Variants in ALG14 observed in about 807,000 individuals in gnomAD.
The protein encoded by ALG14 is ALG14 UDP-N-acetylglucosaminyltransferase subunit, also known as UDP-N-acetylglucosamine transferase subunit ALG14.
Under a neutral mutation model 22.8 loss-of-function variants are expected in ALG14, and 17 were observed. That is an observed-to-expected ratio of 0.75 (90% confidence interval 0.51 to 1.12). The LOEUF is 1.12. ALG14 is among the 50% of genes most tolerant of loss of function. ALG14 has a pLI of 0.00. For synonymous variants in ALG14, 89 were observed against 103.7 expected, an observed-to-expected ratio of 0.86 and a Z score of 0.86; for missense variants, 288 against 271.8, an observed-to-expected ratio of 1.06 and a Z score of -0.42.
chr1:95,047,357 T>G (rs1674596655), intron 2 of ALG14, among the ~76,000 whole-genome samples: 1 of 152,160 alleles, frequency 6.6e-6, no homozygotes. Flanking sequence ...TATTTATTTT[T>G]TTTTAGATGG....
Position 94,989,559 on chromosome 1 carries a change from G to A in ALG14, c.421-6253C>T, listed in dbSNP as rs546110397. ...AGTGCTACAGAGGGGCAGGGCTGGA[G>A]GAGACTCTGTTCTGGTAGCAAAGGT... On this transcript the variant is annotated intron_variant, in intron 3 of 3. Coordinates refer to ENST00000370205, the MANE Select transcript of ALG14 (RefSeq NM_144988.4). Among the ~76,000 whole-genome samples, 25 of 152,316 alleles carry A rather than the reference G, an allele frequency of 1.6e-4. No individual in the cohort carries two copies. The East Asian group carries it at 1.7e-3, about 11-fold the overall frequency.
At chr1:94,993,548 G>C (rs923675760) in intron 3 of ALG14, among the ~76,000 whole-genome samples, 1 of 151,788 alleles carries the variant, frequency 6.6e-6, no homozygotes, top group Non-Finnish European at 1.5e-5. Flanking sequence ...ACCAACGGTG[G>C]ATGCCTAAAG....
intron 2 of ALG14, among the ~76,000 whole-genome samples, chr1:95,043,566 G>C (rs1674449502): frequency 6.6e-6 from 1 of 152,164 alleles, no homozygotes; most frequent in Admixed American, 6.5e-5. Flanking sequence ...AACTAGTGCA[G>C]GTCAGCGGCT....
At chr1:95,032,918 AAAG>A (rs1464060808) in intron 2 of ALG14, among the ~76,000 whole-genome samples, 1 of 152,210 alleles carries the variant, frequency 6.6e-6, no homozygotes, top group Non-Finnish European at 1.5e-5. Flanking sequence ...TCAACTATAT[AAAG>A]AAGTCAATGA....
At chr1:95,017,339 CAA>C (rs1294333474) in intron 3 of ALG14, among the ~76,000 whole-genome samples, 2 of 151,828 alleles carry the variant, frequency 1.3e-5, no homozygotes, top group Non-Finnish European at 2.9e-5. Flanking sequence ...AGCCTTAAAA[CAA>C]AGAGTCACTG....
chr1:95,057,584 A>G (rs1395457261), intron 2 of ALG14, among the ~76,000 whole-genome samples: 4 of 150,074 alleles, frequency 2.7e-5, no homozygotes, highest in Admixed American at 2.0e-4. Context: ...GCACACGCGC[A>G]CACACACACA....
At chr1:94,987,824 G>A (rs1468795807) in intron 3 of ALG14, among the ~76,000 whole-genome samples, 1 of 152,212 alleles carries the variant, frequency 6.6e-6, no homozygotes, top group Non-Finnish European at 1.5e-5. Context: ...GGAGTTGAGG[G>A]TGACCCGAGA....
intron 2 of ALG14, among the ~76,000 whole-genome samples, chr1:95,055,923 T>C (rs1443200596): frequency 7.4e-6 from 1 of 135,270 alleles, no homozygotes; most frequent in Non-Finnish European, 1.5e-5. Context: ...GGCAGGAGAA[T>C]GGCATGAACC....
At chr1:94,997,799 A>G (rs570135873) in intron 3 of ALG14, among the ~76,000 whole-genome samples, 1 of 152,350 alleles carries the variant, frequency 6.6e-6, no homozygotes, top group East Asian at 1.9e-4. Context: ...GCTGCCTCAC[A>G]ATAAATACCA....
intron 3 of ALG14, among the ~76,000 whole-genome samples, chr1:95,024,754 A>G (rs1181548370): frequency 1.3e-5 from 2 of 152,192 alleles, no homozygotes; most frequent in Admixed American, 1.3e-4. Flanking sequence ...GTCAAGTTTC[A>G]TCATGAGATT....
At chr1:94,995,754 C>T (rs1037191472) in intron 3 of ALG14, among the ~76,000 whole-genome samples, 15 of 152,170 alleles carry the variant, frequency 9.9e-5, no homozygotes, top group Admixed American at 6.5e-4. Flanking sequence ...GGATTCCACA[C>T]ATTGACTAAG....
chr1:95,041,230 T>G (rs997325692), intron 2 of ALG14, among the ~76,000 whole-genome samples: 2 of 152,082 alleles, frequency 1.3e-5, no homozygotes, highest in African/African-American at 4.8e-5. Flanking sequence ...ATTCAGTAAG[T>G]TAAGGTCCAT....
intron 3 of ALG14, among the ~76,000 whole-genome samples, chr1:95,012,479 G>A (rs1405224716): frequency 6.6e-6 from 1 of 152,216 alleles, no homozygotes; most frequent in Non-Finnish European, 1.5e-5. Flanking sequence ...GTGCACTGCA[G>A]TGGAGTCCAA....
At chr1:95,017,567 A>C (rs1255967819) in intron 3 of ALG14, among the ~76,000 whole-genome samples, 1 of 152,142 alleles carries the variant, frequency 6.6e-6, no homozygotes, top group Admixed American at 6.5e-5. Flanking sequence ...ACATGATCCC[A>C]ATGGAGGGGA....
chr1:94,994,826 A>C (rs752214812), intron 3 of ALG14, among the ~76,000 whole-genome samples: 5 of 152,228 alleles, frequency 3.3e-5, no homozygotes, highest in Admixed American at 6.5e-5. Context: ...TTTGTTATTA[A>C]CATTTTATAT....
chr1:95,029,068 C>T (rs1673914740), intron 2 of ALG14, among the ~76,000 whole-genome samples: 1 of 152,172 alleles, frequency 6.6e-6, no homozygotes, highest in Admixed American at 6.5e-5. Context: ...CTGTTTTTCA[C>T]AGTTTCTGTG....
chr1:95,011,779 AGACTTC>A (rs1327678222), intron 3 of ALG14, among the ~76,000 whole-genome samples: 1 of 152,202 alleles, frequency 6.6e-6, no homozygotes, highest in Non-Finnish European at 1.5e-5. Flanking sequence ...CAGCCTGCAG[AGACTTC>A]CATATAGAAC....
At chr1:95,036,920 T>C (rs1674219803) in intron 2 of ALG14, among the ~76,000 whole-genome samples, 1 of 152,202 alleles carries the variant, frequency 6.6e-6, no homozygotes, top group Non-Finnish European at 1.5e-5. Context: ...CTAGCCACCA[T>C]GATCCCACAG....
rs1001953249 is a variant in ALG14 at position 94,976,714 on chromosome 1, C to G, written c.*6362G>C. The G allele has an allele frequency of 2.6e-5, 4 of 152,044 alleles. No homozygotes were observed. Among genetic ancestry groups the G allele is most frequent in the Non-Finnish European group, 5.9e-5 (4 of 68,020 alleles). The allele number at this position is 152,044 out of a possible 1,614,324, so 9.4% of individuals were successfully genotyped here. On this transcript the variant is annotated 3_prime_UTR_variant, in exon 4 of 4. Coordinates refer to ENST00000370205, the MANE Select transcript of ALG14 (RefSeq NM_144988.4). ...CTTAAAGAAAAAAAAAAAAGATGTC[C>G]CCTAATATTCCACCCCCTGATTTAC...
Sources: allele counts gnomAD v4.1 joint callset (sites outside exome capture counted in the v4.1 genomes callset), GRCh38; gene constraint gnomAD v4.1.1; transcripts MANE v1.5; gene names NCBI Gene and HGNC (gene_info 2026-07-23, HGNC 2026-07-21).